The following IL1RAP variants were observed in gnomAD, a reference collection of about 807,000 sequenced individuals.
The protein encoded by IL1RAP is interleukin-1 receptor accessory protein.
A neutral mutation model predicts 60.7 loss-of-function variants in IL1RAP; 35 were observed. That is an observed-to-expected ratio of 0.58 (90% CI 0.44 to 0.76). IL1RAP has a LOEUF of 0.76. IL1RAP is among the 30% of genes least tolerant of loss of function. The pLI, the probability that IL1RAP is intolerant of heterozygous loss-of-function variation, is 0.00. For missense variants in IL1RAP, 572 were observed against 693.9 expected (o/e 0.82, Z 1.97); for synonymous variants, 268 against 250.9 (o/e 1.07, Z -0.64).
Position 190,535,006 on chromosome 3 carries a change from C to G in IL1RAP, c.-89+20787C>G, listed in dbSNP as rs145806319. Among the ~76,000 whole-genome samples the G allele has an allele frequency of 1.4e-4, 21 of 151,854 alleles. 1 individual carries two copies. The East Asian group carries it at 4.1e-3, about 29-fold the overall frequency. On this transcript the variant is annotated intron_variant, in intron 1 of 11. Transcript: ENST00000447382. ...CTGTTTAAAATATGTCTCAGAGAGCCTTGGTAGCAACAAAGGTCCCAAATA... is the reference window on the plus strand; with the variant it reads ...CTGTTTAAAATATGTCTCAGAGAGCGTTGGTAGCAACAAAGGTCCCAAATA...
intron 1 of IL1RAP, among the ~76,000 whole-genome samples, chr3:190,526,928 G>A (rs745659291): frequency 2.0e-5 from 3 of 152,220 alleles, no homozygotes; most frequent in Non-Finnish European, 2.9e-5. Flanking sequence ...TGTGGATTCT[G>A]AAAGGCCCTC....
chr3:190,656,164 C>A (rs930398183), downstream of IL1RAP: 18 of 1,537,218 alleles, frequency 1.2e-5, no homozygotes, highest in South Asian at 2.4e-5. Context: ...GAAAGCTTTG[C>A]GGTTGGCTCT....
chr3:190,577,709 T>G (rs1031303445), intron 3 of IL1RAP, among the ~76,000 whole-genome samples: 1 of 152,010 alleles, frequency 6.6e-6, no homozygotes, highest in Non-Finnish European at 1.5e-5. Context: ...TTTTTAATTT[T>G]TTTGTGGAGA....
At chr3:190,639,893 C>A (rs1300218572) in intron 9 of IL1RAP, among the ~76,000 whole-genome samples, 1 of 151,630 alleles carries the variant, frequency 6.6e-6, no homozygotes, top group African/African-American at 2.4e-5. Flanking sequence ...TACTGGGGAG[C>A]TAAACACAGT....
chr3:190,531,799 G>A, intron 1 of IL1RAP, among the ~76,000 whole-genome samples: 1 of 152,196 alleles, frequency 6.6e-6, no homozygotes, highest in East Asian at 1.9e-4. Context: ...ATGAAATCGG[G>A]TGACTACCCC....
At chr3:190,520,010 C>A (rs1385819553) in intron 1 of IL1RAP, among the ~76,000 whole-genome samples, 2 of 152,168 alleles carry the variant, frequency 1.3e-5, no homozygotes, top group African/African-American at 4.8e-5. Flanking sequence ...ATTCCTTCCT[C>A]ATCATTCAGC....
At chr3:190,526,085 G>A (rs947471918) in intron 1 of IL1RAP, among the ~76,000 whole-genome samples, 21 of 152,274 alleles carry the variant, frequency 1.4e-4, no homozygotes, top group Middle Eastern at 3.4e-3. Context: ...CATCTCTTCC[G>A]TGATGTGTTT....
chr3:190,573,110 G>T lies in IL1RAP; in HGVS notation c.64+8757G>T, dbSNP rs1401484843. ...GATCTCCTGACCTCGTGATCCGCCCGCCTCGGCCTCCCAAAGTTCTGGGAT... is the reference window on the plus strand; with the variant it reads ...GATCTCCTGACCTCGTGATCCGCCCTCCTCGGCCTCCCAAAGTTCTGGGAT... On this transcript the variant is annotated intron_variant, in intron 3 of 11. Coordinates refer to ENST00000447382, the MANE Select transcript of IL1RAP (RefSeq NM_002182.4). Among the ~76,000 whole-genome samples, 5 of 52,150 alleles carry T rather than the reference G, an allele frequency of 9.6e-5. 1 individual carries two copies. The highest frequency in any genetic ancestry group is 7.0e-4 in the Admixed American group (4 of 5,728). 34.2% of individuals were successfully genotyped at this position (52,150 alleles called of 152,430 possible). A position where few individuals can be genotyped will look rare whatever the true frequency, so the allele number is the denominator to read the frequency against.
At chr3:190,636,792 C>A (rs187623079) in intron 9 of IL1RAP, among the ~76,000 whole-genome samples, 52 of 152,104 alleles carry the variant, frequency 3.4e-4, no homozygotes, top group African/African-American at 1.2e-3. Context: ...ATGTTTAATC[C>A]ATTTTTCTTT....
intron 3 of IL1RAP, among the ~76,000 whole-genome samples, chr3:190,578,764 A>G (rs945815151): frequency 2.6e-5 from 4 of 152,216 alleles, no homozygotes; most frequent in Non-Finnish European, 5.9e-5. Flanking sequence ...CCTCAAAATC[A>G]TGGAGGAAGG....
chr3:190,611,743 ACT>A (rs916541994), intron 5 of IL1RAP, among the ~76,000 whole-genome samples: 2 of 152,020 alleles, frequency 1.3e-5, no homozygotes, highest in Non-Finnish European at 2.9e-5. Context: ...TAACTCATTA[ACT>A]CTTAGATGTG....
intron 9 of IL1RAP, chr3:190,642,586 A>G (rs1235524250): frequency 1.3e-5 from 2 of 152,196 alleles, no homozygotes; most frequent in African/African-American, 4.8e-5. Context: ...AGGTGCTTAC[A>G]GAAGCCTTCC....
chr3:190,648,417 G>A lies in IL1RAP; in HGVS notation c.1425G>A (p.Gln475=). ...LVVLSPNYVL[Q]GTQALLELKA... ...TTCTAAGCCCCAACTACGTGCTCCA[G>A]GGAACCCAAGCCCTCCTGGAGCTCA... The change falls in exon 12 of 12, where the codon CAG becomes CAA. Residue 475 remains glutamine (Q), a synonymous_variant. Coordinates refer to ENST00000447382, the MANE Select transcript of IL1RAP (RefSeq NM_002182.4). 6.2e-7 allele frequency: 1 copy of A among 1,614,036 alleles called. No homozygotes were observed. The highest frequency in any genetic ancestry group is 8.5e-7 in the Non-Finnish European group (1 of 1,179,980).
chr3:190,618,696 T>C (rs1033521876), intron 5 of IL1RAP, among the ~76,000 whole-genome samples: 12 of 152,210 alleles, frequency 7.9e-5, no homozygotes, highest in African/African-American at 2.9e-4. Context: ...CATAAACTTA[T>C]AAGAATACAG....
chr3:190,589,296 C>T lies in IL1RAP; in HGVS notation c.65-14832C>T, dbSNP rs1360724812. ...ACTCAGCACCCCCACCTCTTGAATT[C>T]TTCCTGTCACCCCATCATATTCACT... On this transcript the variant is annotated intron_variant, in intron 3 of 11. Transcript: ENST00000447382. Among the ~76,000 whole-genome samples the T allele has an allele frequency of 2.6e-5, 4 of 152,218 alleles. No homozygotes were observed. In the East Asian group the frequency reaches 5.8e-4, roughly 22 times the overall value.
intron 8 of IL1RAP, among the ~76,000 whole-genome samples, chr3:190,629,009 G>A (rs1042081259): frequency 2.0e-5 from 3 of 152,132 alleles, no homozygotes; most frequent in Non-Finnish European, 4.4e-5. Context: ...AAACCCAAAA[G>A]GACCTGGCCC....
exon 12 of IL1RAP, chr3:190,658,069 A>G (rs966955683): frequency 6.6e-6 from 1 of 152,032 alleles, no homozygotes; most frequent in Non-Finnish European, 1.5e-5. Context: ...AAAAAAAAAA[A>G]AATGGGTAGC....
intron 1 of IL1RAP, among the ~76,000 whole-genome samples, chr3:190,523,106 T>C (rs1413598836): frequency 6.6e-6 from 1 of 152,180 alleles, no homozygotes; most frequent in African/African-American, 2.4e-5. Flanking sequence ...TTACATTTTA[T>C]TTCCTCTCTA....
intron 5 of IL1RAP, among the ~76,000 whole-genome samples, chr3:190,613,957 A>G (rs1403189916): frequency 6.6e-6 from 1 of 152,036 alleles, no homozygotes; most frequent in East Asian, 1.9e-4. Flanking sequence ...TTTAATCCTA[A>G]GACTTCTGCC....
Sources: allele counts gnomAD v4.1 joint callset (sites outside exome capture counted in the v4.1 genomes callset), GRCh38; gene constraint gnomAD v4.1.1; transcripts MANE v1.5; gene names NCBI Gene and HGNC (gene_info 2026-07-23, HGNC 2026-07-21).